ENOSF1: variants seen among roughly 807,000 people sequenced by gnomAD.
ENOSF1 encodes enolase superfamily member 1.
In ENOSF1, 73 loss-of-function variants were observed where a neutral mutation model predicts 68.2. The ratio of observed to expected loss-of-function variants is 1.07; its 90% CI spans 0.89 to 1.30. The LOEUF is 1.30. ENOSF1 is among the 50% of genes most tolerant of loss of function. The probability of loss-of-function intolerance (pLI) is 0.00; values close to 1 mark genes in which losing one functional copy is unlikely to be tolerated. For missense variants in ENOSF1, 589 were observed against 554.5 expected, an observed-to-expected ratio of 1.06 and a Z score of -0.62; for synonymous variants, 223 against 210.4, an observed-to-expected ratio of 1.06 and a Z score of -0.52.
At chr18:697,200 A>G in intron 3 of ENOSF1, 40 bp downstream of exon 3, 1 of 1,349,330 alleles carries the variant, frequency 7.4e-7, no homozygotes, top group Non-Finnish European at 1.1e-6. Context: ...GACCTTGGTA[A>G]TATTACTTAT....
rs201382707 is a variant in ENOSF1 at position 712,505 on chromosome 18, A to G, written c.83T>C (p.Met28Thr). 327 of 1,529,822 alleles carry G rather than the reference A, an allele frequency of 2.1e-4. 3 individuals are homozygous for G. The highest frequency in any genetic ancestry group is 2.6e-4 in the Admixed American group (13 of 50,648). 94.8% of individuals were successfully genotyped at this position (1,529,822 alleles called of 1,614,324 possible). ...GCTTACCATGGCGTCCGCGCTTACCATGGCGTCCGCGCCGTGGCCCCCAAG... is the reference window on the plus strand; with the variant it reads ...GCTTACCATGGCGTCCGCGCTTACCGTGGCGTCCGCGCCGTGGCCCCCAAG... ...TSLGGHGADA[M>T]HTDPDYSAAY... The change falls in exon 1 of 16, where the codon ATG (methionine) becomes ACG (threonine). Residue 28 changes from methionine (M) to threonine (T), a missense_variant and splice_region_variant. Transcript: ENST00000647584.
chr18:684,203 G>A (rs556842762), intron 10 of ENOSF1, among the ~76,000 whole-genome samples: 21 of 151,842 alleles, frequency 1.4e-4, no homozygotes, highest in Non-Finnish European at 2.9e-4. Flanking sequence ...CACCATGTTA[G>A]CCAGGATGGT....
At chr18:694,429 A>T (rs2077512631) in intron 3 of ENOSF1, 95 bp from the exon 4 acceptor site, 1 of 1,130,068 alleles carries the variant, frequency 8.8e-7, no homozygotes, top group Middle Eastern at 2.0e-4. Context: ...CTTTGGGACC[A>T]AGACCAGCCT....
intron 11 of ENOSF1, among the ~76,000 whole-genome samples, chr18:681,615 T>C (rs2076082889): frequency 6.6e-6 from 1 of 152,224 alleles, no homozygotes; most frequent in Non-Finnish European, 1.5e-5. Context: ...GTTTAAATAA[T>C]GAAGGCTGTG....
At chr18:669,966 A>AAAAC (rs1309604898), downstream of ENOSF1, among the ~76,000 whole-genome samples, 1 of 151,820 alleles carries the variant, frequency 6.6e-6, no homozygotes, top group Non-Finnish European at 1.5e-5. Context: ...TGAATATTTA[A>AAAAC]AAACAACAAC....
chr18:681,584 T>G (rs1439645779), intron 11 of ENOSF1, among the ~76,000 whole-genome samples: 3 of 152,170 alleles, frequency 2.0e-5, no homozygotes, highest in Non-Finnish European at 4.4e-5. Context: ...GTGGAATGAT[T>G]CCTCAGAAAA....
rs2079562933 is a variant in ENOSF1 at position 711,671 on chromosome 18, T to C, written c.84+833A>G. On this transcript the variant is annotated intron_variant, in intron 1 of 15. Transcript: ENST00000647584. ...GCAGGGGAGGGAAGGCCTGACATTC[T>C]AACACCCTCAGTAAGCAAAAAAGAC... 1.3e-5 allele frequency among the ~76,000 whole-genome samples: 2 copies of C among 152,204 alleles called. 1 individual carries two copies. The highest frequency in any genetic ancestry group is 4.1e-4 in the South Asian group (2 of 4,838).
At chr18:669,318 A>G (rs2074933641), downstream of ENOSF1, 2 of 592,700 alleles carry the variant, frequency 3.4e-6, no homozygotes, top group African/African-American at 3.8e-5. Flanking sequence ...TGGGCAAGTC[A>G]CATTTTGCTG....
At position 706,481 on chromosome 18, in the gene ENOSF1, C is replaced by G. The variant is rs779479045; in HGVS notation, c.182G>C (p.Gly61Ala). ...AATCTTCAACTCACCAACTTCAGTG[C>G]CTTTTCCCAGAGTGAAGGTAATTCC... Reference protein sequence around the residue: ...GCGITFTLGKGTEVVVCAVNA... With the variant: ...GCGITFTLGKATEVVVCAVNA... The change falls in exon 2 of 16, where the codon GGC becomes GCC. Residue 61 changes from glycine to alanine, a missense_variant. Gly to Ala is a moderately conservative substitution (Grantham distance 60). Coordinates refer to ENST00000647584, the MANE Select transcript of ENOSF1 (RefSeq NM_017512.7). 15 of 1,612,416 alleles carry G rather than the reference C, an allele frequency of 9.3e-6. No homozygotes were observed. In the South Asian group the frequency reaches 1.5e-4, roughly 17 times the overall value.
intron 2 of ENOSF1, among the ~76,000 whole-genome samples, chr18:701,413 A>T (rs567096611): frequency 9.9e-5 from 15 of 151,818 alleles, no homozygotes; most frequent in African/African-American, 3.6e-4. Flanking sequence ...TGTAACTTCC[A>T]TTCAGTTTTG....
intron 15 of ENOSF1, among the ~76,000 whole-genome samples, 174 bp from the exon 16 acceptor site, chr18:674,580 G>A (rs374025411): frequency 1.9e-4 from 29 of 152,066 alleles, no homozygotes; most frequent in African/African-American, 6.5e-4. Flanking sequence ...GTGCAGTGGC[G>A]CAATCTTGGC....
In ENOSF1 at chr18:671,657, G is replaced by A. The variant is rs2075056632; in HGVS notation, c.*2648C>T. 5 of 592,596 alleles carry A rather than the reference G, an allele frequency of 8.4e-6. No homozygotes were observed. The allele number at this position is 592,596 out of a possible 1,614,324, so 36.7% of individuals were successfully genotyped here. A position where few individuals can be genotyped will look rare whatever the true frequency, so the allele number is the denominator to read the frequency against. On this transcript the variant is annotated 3_prime_UTR_variant, in exon 16 of 16. Transcript: ENST00000647584. ...ACCATGGGCACTTAACATGTCAGGT[G>A]CTGTGAGGTACTAAGCACCAGTACC...
intron 2 of ENOSF1, among the ~76,000 whole-genome samples, chr18:697,820 G>T (rs575170657): frequency 1.4e-4 from 22 of 152,136 alleles, no homozygotes; most frequent in African/African-American, 5.1e-4. Flanking sequence ...TTTAGGCAGG[G>T]TCTCACTCTG....
chr18:669,331 C>G (rs1439002457), downstream of ENOSF1: 2 of 539,992 alleles, frequency 3.7e-6, no homozygotes, highest in African/African-American at 2.0e-5. Flanking sequence ...TTTTGCTGCA[C>G]TTTCACCTTC....
intron 7 of ENOSF1, 78 bp from the exon 8 acceptor site, chr18:690,709 T>C (rs760018207): frequency 4.4e-6 from 7 of 1,591,844 alleles, no homozygotes; most frequent in Non-Finnish European, 5.1e-6. Context: ...GCTAAGCTGT[T>C]TCCCCTGGAG....
chr18:680,210 G>C (rs975797977), intron 11 of ENOSF1, among the ~76,000 whole-genome samples: 25 of 152,284 alleles, frequency 1.6e-4, no homozygotes, highest in Non-Finnish European at 2.9e-4. Context: ...GTGGCCTTGG[G>C]CAAGCCCCGC....
At chr18:699,158 T>C (rs2078057527) in intron 2 of ENOSF1, among the ~76,000 whole-genome samples, 1 of 152,128 alleles carries the variant, frequency 6.6e-6, no homozygotes, top group African/African-American at 2.4e-5. Flanking sequence ...CCATGTCCTG[T>C]GGTATTTTAC....
At chr18:711,931 C>G (rs913270186) in intron 1 of ENOSF1, among the ~76,000 whole-genome samples, 1 of 152,136 alleles carries the variant, frequency 6.6e-6, no homozygotes, top group African/African-American at 2.4e-5. Context: ...AGTCACACAG[C>G]AAGTTGTGGA....
At chr18:668,443 G>T (rs2074901251), downstream of ENOSF1, among the ~76,000 whole-genome samples, 1 of 152,178 alleles carries the variant, frequency 6.6e-6, no homozygotes, top group African/African-American at 2.4e-5. Context: ...AAAATCCAGA[G>T]ACCAGAAATG....
Sources: gnomAD v4.1 joint callset for allele counts (sites outside exome capture counted in the v4.1 genomes callset) on GRCh38, gnomAD v4.1.1 for gene constraint, MANE v1.5 for transcripts, NCBI Gene and HGNC (gene_info 2026-07-23, HGNC 2026-07-21) for gene names.